Variants in TESK2 observed in about 807,000 individuals in gnomAD.
TESK2 encodes dual specificity testis-specific protein kinase 2.
A neutral mutation model predicts 57.1 loss-of-function variants in TESK2; 39 were observed. The ratio of observed to expected loss-of-function variants is 0.68; its 90% CI spans 0.53 to 0.89. The LOEUF (loss-of-function observed/expected upper bound fraction) is 0.89, where lower values mean the gene tolerates loss of function less well. Ranked by LOEUF, TESK2 falls within the 40% of genes least tolerant of loss-of-function variation. The pLI is 0.00. For missense variants in TESK2, 646 were observed against 732.1 expected (o/e 0.88, Z 1.36); for synonymous variants, 249 against 267.9 (o/e 0.93, Z 0.69).
chr1:45,470,213 A>T (rs1443450657), intron 1 of TESK2, among the ~76,000 whole-genome samples: 1 of 152,208 alleles, frequency 6.6e-6, no homozygotes, highest in Non-Finnish European at 1.5e-5. Flanking sequence ...ATTATGAGTA[A>T]TATGTAGCCC....
At chr1:45,401,173 G>A (rs1649581080) in intron 3 of TESK2, among the ~76,000 whole-genome samples, 1 of 151,716 alleles carries the variant, frequency 6.6e-6, no homozygotes, top group Non-Finnish European at 1.5e-5. Context: ...AAGGCAGGTG[G>A]ATCACCTGAG....
intron 1 of TESK2, among the ~76,000 whole-genome samples, chr1:45,463,816 T>C (rs1446228192): frequency 6.6e-6 from 1 of 152,136 alleles, no homozygotes; most frequent in Non-Finnish European, 1.5e-5. Context: ...CTCAAACTCC[T>C]AGGCTCAAGC....
chr1:45,352,799 T>G (rs1647269122), intron 5 of TESK2, among the ~76,000 whole-genome samples: 1 of 152,110 alleles, frequency 6.6e-6, no homozygotes. Flanking sequence ...ACTCCTTCTA[T>G]CTTAGAAAAA....
intron 3 of TESK2, among the ~76,000 whole-genome samples, chr1:45,415,893 T>C (rs937484280): frequency 1.3e-5 from 2 of 152,082 alleles, no homozygotes; most frequent in African/African-American, 2.4e-5. Context: ...TGGCTTTCAA[T>C]GTGGCACAAC....
intron 7 of TESK2, 67 bp downstream of exon 7, chr1:45,347,542 G>A (rs1647163678): frequency 6.9e-7 from 1 of 1,459,662 alleles, no homozygotes; most frequent in African/African-American, 1.4e-5. Flanking sequence ...GAGCAACATA[G>A]TGAGACCATC....
chr1:45,348,622 C>A (rs1489603027), intron 5 of TESK2, among the ~76,000 whole-genome samples: 1 of 152,228 alleles, frequency 6.6e-6, no homozygotes, highest in African/African-American at 2.4e-5. Flanking sequence ...ACTTACCAAA[C>A]CTGAACAGGT....
intron 1 of TESK2, among the ~76,000 whole-genome samples, chr1:45,480,279 T>C (rs1570774639): frequency 6.6e-6 from 1 of 151,004 alleles, no homozygotes; most frequent in South Asian, 2.1e-4. Context: ...GCCAATAGGG[T>C]GAAACCCCAT....
chr1:45,468,738 G>A (rs962522500), intron 1 of TESK2, among the ~76,000 whole-genome samples: 1 of 152,068 alleles, frequency 6.6e-6, no homozygotes, highest in African/African-American at 2.4e-5. Context: ...AACATAAGGC[G>A]TTATTGTCAC....
At chr1:45,460,854 A>C (rs1652305175) in intron 1 of TESK2, among the ~76,000 whole-genome samples, 1 of 152,216 alleles carries the variant, frequency 6.6e-6, no homozygotes, top group African/African-American at 2.4e-5. Flanking sequence ...TATTTGAAGA[A>C]ACATAAGGCC....
chr1:45,378,021 A>G (rs1256785401), intron 4 of TESK2, among the ~76,000 whole-genome samples: 1 of 151,874 alleles, frequency 6.6e-6, no homozygotes, highest in Non-Finnish European at 1.5e-5. Flanking sequence ...GCAAGACTCC[A>G]TCTCAAAAAA....
At chr1:45,452,855 C>T (rs1437859867) in intron 2 of TESK2, among the ~76,000 whole-genome samples, 1 of 151,888 alleles carries the variant, frequency 6.6e-6, no homozygotes, top group Non-Finnish European at 1.5e-5. Context: ...AATTCAAGAT[C>T]AGCCTGGGCA....
chr1:45,413,264 C>T (rs1246387505), intron 3 of TESK2, among the ~76,000 whole-genome samples: 1 of 152,066 alleles, frequency 6.6e-6, no homozygotes, highest in African/African-American at 2.4e-5. Context: ...AGAATACACA[C>T]ACATGAACAA....
At chr1:45,431,555 A>AG (rs960009368) in intron 2 of TESK2, among the ~76,000 whole-genome samples, 5 of 152,168 alleles carry the variant, frequency 3.3e-5, no homozygotes, top group African/African-American at 1.2e-4. Context: ...CATAAAGAGT[A>AG]GTTATTAGGG....
intron 4 of TESK2, among the ~76,000 whole-genome samples, chr1:45,372,121 G>A (rs6694590): frequency 0.046 from 6,947 of 152,052 alleles, 580 homozygotes; most frequent in African/African-American, 0.16. Flanking sequence ...GGTGGCACAC[G>A]CCTGTAGTAT....
At chr1:45,389,370 G>A (rs576920773) in intron 3 of TESK2, among the ~76,000 whole-genome samples, 1 of 152,218 alleles carries the variant, frequency 6.6e-6, no homozygotes, top group African/African-American at 2.4e-5. Context: ...CTGAGATCAT[G>A]CCACTGTACT....
In TESK2 at chr1:45,387,794, G is replaced by T. The variant is rs562934784; in HGVS notation, c.345-1834C>A. ...GGCCAAGGCGGGTGGATCACCTGAGGTCAGGAGTTCAAGACCACCCTGGCC... is the reference window on the plus strand; with the variant it reads ...GGCCAAGGCGGGTGGATCACCTGAGTTCAGGAGTTCAAGACCACCCTGGCC... On this transcript the variant is annotated intron_variant, in intron 3 of 10. Coordinates refer to ENST00000372086, the MANE Select transcript of TESK2 (RefSeq NM_007170.3). Among the ~76,000 whole-genome samples the T allele has an allele frequency of 2.5e-4, 38 of 152,262 alleles. 1 individual carries two copies. The South Asian group carries it at 7.1e-3, about 28-fold the overall frequency.
chr1:45,388,317 G>C (rs945927127), intron 3 of TESK2, among the ~76,000 whole-genome samples: 1 of 152,116 alleles, frequency 6.6e-6, no homozygotes, highest in African/African-American at 2.4e-5. Context: ...CTGCTTCTCT[G>C]AGATTAAATT....
intron 2 of TESK2, among the ~76,000 whole-genome samples, chr1:45,430,482 C>A (rs1281108665): frequency 6.6e-6 from 1 of 152,026 alleles, no homozygotes; most frequent in African/African-American, 2.4e-5. Context: ...CACAGTGAGA[C>A]CCTATCTAAA....
At chr1:45,442,945 C>G (rs1443595472) in intron 2 of TESK2, among the ~76,000 whole-genome samples, 1 of 152,108 alleles carries the variant, frequency 6.6e-6, no homozygotes, top group Non-Finnish European at 1.5e-5. Context: ...GCCATCGCAC[C>G]TGGCTAATTT....
Sources: gnomAD v4.1 joint callset for allele counts (sites outside exome capture counted in the v4.1 genomes callset) on GRCh38, gnomAD v4.1.1 for gene constraint, MANE v1.5 for transcripts, NCBI Gene and HGNC (gene_info 2026-07-23, HGNC 2026-07-21) for gene names.